SFI1: variants seen among roughly 807,000 people sequenced by gnomAD.
SFI1 encodes the protein SFI1 centrin binding protein, also known as protein SFI1 homolog.
In SFI1, 195 loss-of-function variants were observed where a neutral mutation model predicts 207.5. The observed-to-expected ratio is 0.94, with a 90% confidence interval of 0.84 to 1.06. The LOEUF is 1.06. Ranked by LOEUF, SFI1 falls within the 50% of genes least tolerant of loss-of-function variation. The pLI, the probability that SFI1 is intolerant of heterozygous loss-of-function variation, is 0.00. For missense variants in SFI1, 1,634 were observed against 1,588.0 expected (o/e 1.03, Z -0.49); for synonymous variants, 630 against 598.9 (o/e 1.05, Z -0.76).
At chr22:31,576,334 T>TG (rs1467269935) in intron 10 of SFI1, among the ~76,000 whole-genome samples, 2 of 150,634 alleles carry the variant, frequency 1.3e-5, no homozygotes, top group African/African-American at 2.4e-5. Context: ...CTCTTTTTTT[T>TG]TTTTGAGACA....
intron 9 of SFI1, among the ~76,000 whole-genome samples, chr22:31,574,258 T>C (rs909477084): frequency 6.6e-6 from 1 of 152,208 alleles, no homozygotes; most frequent in Non-Finnish European, 1.5e-5. Flanking sequence ...AATATGTTCA[T>C]TGGAGGATAG....
intron 15 of SFI1, among the ~76,000 whole-genome samples, chr22:31,591,488 C>A (rs2065902091): frequency 6.6e-6 from 1 of 151,880 alleles, no homozygotes; most frequent in Non-Finnish European, 1.5e-5. Flanking sequence ...TTGGGCACAC[C>A]TCCCAGACGG....
Position 31,518,882 on chromosome 22 carries a change from T to G in SFI1, c.93-9808T>G, listed in dbSNP as rs892507140. Among the ~76,000 whole-genome samples the G allele has an allele frequency of 2.6e-5, 4 of 152,150 alleles. No homozygotes were observed. In the East Asian group the frequency reaches 7.7e-4, roughly 29 times the overall value. The stretch of plus-strand genomic sequence containing the variant: ...CTTGGGTACTGAGTCTCTAATAAGC[T>G]TCATTGATACACAACACTTCTCACG... On this transcript the variant is annotated intron_variant, in intron 2 of 32. Transcript: ENST00000400288.
At chr22:31,498,563 A>T (rs1241215377) in intron 1 of SFI1, among the ~76,000 whole-genome samples, 1 of 151,360 alleles carries the variant, frequency 6.6e-6, no homozygotes, top group Non-Finnish European at 1.5e-5. Flanking sequence ...AGGCATGAGA[A>T]TTGCTTGAAC....
intron 2 of SFI1, among the ~76,000 whole-genome samples, chr22:31,515,889 C>T (rs1230926087): frequency 6.6e-6 from 1 of 151,948 alleles, no homozygotes; most frequent in Non-Finnish European, 1.5e-5. Context: ...AGTCACGCAC[C>T]ACCATGTCTG....
intron 24 of SFI1, chr22:31,612,394 A>ATATATATATATAT (rs1367477107): frequency 1.9e-5 from 2 of 107,344 alleles, no homozygotes; most frequent in African/African-American, 7.5e-5. Flanking sequence ...AAAAAAAAAA[A>ATATATATATATAT]AAAAATATAT....
intron 9 of SFI1, 48 bp from the exon 10 acceptor site, chr22:31,575,183 C>CTTA: frequency 1.0e-6 from 1 of 956,548 alleles, no homozygotes; most frequent in Non-Finnish European, 1.4e-6. Flanking sequence ...ATGTTTCCAG[C>CTTA]TCATCTAACC....
intron 2 of SFI1, among the ~76,000 whole-genome samples, chr22:31,517,658 C>T (rs182261590): frequency 6.6e-6 from 1 of 151,196 alleles, no homozygotes; most frequent in Non-Finnish European, 1.5e-5. Context: ...GACCCTATTT[C>T]TTTTTTTTTC....
intron 22 of SFI1, among the ~76,000 whole-genome samples, chr22:31,609,153 C>T (rs748504149): frequency 1.3e-5 from 2 of 152,062 alleles, no homozygotes; most frequent in African/African-American, 2.4e-5. Context: ...TGTGTGCCAC[C>T]ACGCCAGGCT....
At chr22:31,502,199 AC>A (rs2053899166) in intron 1 of SFI1, among the ~76,000 whole-genome samples, 1 of 152,172 alleles carries the variant, frequency 6.6e-6, no homozygotes, top group South Asian at 2.1e-4. Context: ...ATGTTTTCTG[AC>A]CAGAAATATG....
In SFI1 at chr22:31,618,564, T is replaced by C. The variant is rs1330954406; in HGVS notation, c.*146T>C. On this transcript the variant is annotated 3_prime_UTR_variant, in exon 33 of 33. Coordinates refer to ENST00000400288, the MANE Select transcript of SFI1 (RefSeq NM_001007467.3). Reference sequence around the variant, plus strand: ...TTACTGTTCAGAAGTCTCCCACTTTTCATACAAAAATACTGTGCTACTGAT... The same window carrying C: ...TTACTGTTCAGAAGTCTCCCACTTTCCATACAAAAATACTGTGCTACTGAT... 3 of 820,876 alleles carry C rather than the reference T, an allele frequency of 3.7e-6. No individual in the cohort carries two copies. The highest frequency in any genetic ancestry group is 1.7e-6 in the Non-Finnish European group (1 of 572,730). 50.8% of individuals were successfully genotyped at this position (820,876 alleles called of 1,614,324 possible).
intron 15 of SFI1, among the ~76,000 whole-genome samples, chr22:31,596,902 A>G (rs1295584096): frequency 6.6e-6 from 1 of 151,860 alleles, no homozygotes; most frequent in East Asian, 1.9e-4. Context: ...TGGCTTCAGT[A>G]CTGAAGACAC....
intron 1 of SFI1, among the ~76,000 whole-genome samples, chr22:31,503,930 C>T (rs2054230674): frequency 6.6e-6 from 1 of 151,866 alleles, no homozygotes; most frequent in South Asian, 2.1e-4. Flanking sequence ...TATATTCCAA[C>T]TTATAAGCAA....
At chr22:31,579,583 G>T (rs888099775) in intron 11 of SFI1, among the ~76,000 whole-genome samples, 41 of 152,156 alleles carry the variant, frequency 2.7e-4, no homozygotes, top group Non-Finnish European at 1.5e-5. Context: ...CCAAAGTGCT[G>T]GGATTACAGG....
At chr22:31,524,260 T>C (rs1377891941) in intron 2 of SFI1, among the ~76,000 whole-genome samples, 14 of 152,196 alleles carry the variant, frequency 9.2e-5, no homozygotes, top group Non-Finnish European at 1.6e-4. Flanking sequence ...GCATTTGTTA[T>C]GTTTTTTGGT....
intron 13 of SFI1, among the ~76,000 whole-genome samples, chr22:31,584,504 G>C (rs921808064): frequency 6.6e-6 from 1 of 152,146 alleles, no homozygotes. Flanking sequence ...GAAGCACTAC[G>C]TATAAACTTT....
chr22:31,498,095 C>G (rs1386851989), intron 1 of SFI1, among the ~76,000 whole-genome samples: 1 of 152,128 alleles, frequency 6.6e-6, no homozygotes, highest in Admixed American at 6.6e-5. Context: ...GAGTTTGAGA[C>G]CAGCCTGGCC....
At chr22:31,585,010 G>A in intron 13 of SFI1, 58 bp from the exon 14 acceptor site, 1 of 1,517,692 alleles carries the variant, frequency 6.6e-7, no homozygotes, top group South Asian at 1.1e-5. Flanking sequence ...CAATTTACCT[G>A]CCTTAAAACA....
chr22:31,545,715 G>A (rs1203525491), intron 4 of SFI1, among the ~76,000 whole-genome samples: 1 of 151,524 alleles, frequency 6.6e-6, no homozygotes, highest in Non-Finnish European at 1.5e-5. Context: ...CAAGTAGCTG[G>A]GACTACTGGC....
Sources: allele counts gnomAD v4.1 joint callset (sites outside exome capture counted in the v4.1 genomes callset), GRCh38; gene constraint gnomAD v4.1.1; transcripts MANE v1.5; gene names NCBI Gene and HGNC (gene_info 2026-07-23, HGNC 2026-07-21).